ZZZ3: variants seen among roughly 807,000 people sequenced by gnomAD.
ZZZ3 encodes the protein ZZ-type zinc finger-containing protein 3.
ZZZ3 carries 22 observed loss-of-function variants against 95.2 expected under a neutral mutation model. That is an observed-to-expected ratio of 0.23 (90% CI 0.17 to 0.33). ZZZ3 has a LOEUF of 0.33. Among genes scored for constraint, ZZZ3 ranks in the 10% least tolerant of loss-of-function variants. ZZZ3 has a pLI of 1.00. For missense variants in ZZZ3, 885 were observed against 1,066.5 expected (o/e 0.83, Z 2.37); for synonymous variants, 335 against 358.9 (o/e 0.93, Z 0.75).
intron 1 of ZZZ3, among the ~76,000 whole-genome samples, chr1:77,676,670 A>C (rs1473588089): frequency 6.6e-6 from 1 of 152,254 alleles, no homozygotes; most frequent in Non-Finnish European, 1.5e-5. Context: ...AAGGAAACAA[A>C]CACCACAATA....
intron 5 of ZZZ3, among the ~76,000 whole-genome samples, chr1:77,595,625 T>C (rs1664141757): frequency 6.6e-6 from 1 of 152,042 alleles, no homozygotes. Context: ...CACAAATTAT[T>C]GTAAAGTGTA....
At chr1:77,587,391 A>C (rs1663200434) in intron 5 of ZZZ3, among the ~76,000 whole-genome samples, 1 of 150,596 alleles carries the variant, frequency 6.6e-6, no homozygotes, top group South Asian at 2.1e-4. Context: ...CAGCCTCCTG[A>C]GTAGGTGGGA....
intron 1 of ZZZ3, among the ~76,000 whole-genome samples, chr1:77,670,446 A>G (rs1053633523): frequency 7.9e-5 from 12 of 151,932 alleles, no homozygotes; most frequent in African/African-American, 2.7e-4. Flanking sequence ...TTTAGTAGAG[A>G]TGGGGTTTCG....
intron 13 of ZZZ3, among the ~76,000 whole-genome samples, chr1:77,567,459 ATTCT>A (rs1237016688): frequency 6.6e-6 from 1 of 152,196 alleles, no homozygotes; most frequent in Non-Finnish European, 1.5e-5. Flanking sequence ...AACTAGAATG[ATTCT>A]TTCCAAAACG....
At chr1:77,641,277 A>G (rs1400635930) in intron 3 of ZZZ3, 107 bp downstream of exon 3, 1 of 319,584 alleles carries the variant, frequency 3.1e-6, no homozygotes, top group African/African-American at 2.1e-5. Flanking sequence ...CTAATCAACC[A>G]CATAACTACT....
At chr1:77,680,753 G>A (rs541695869) in intron 1 of ZZZ3, among the ~76,000 whole-genome samples, 69 of 152,094 alleles carry the variant, frequency 4.5e-4, no homozygotes, top group African/African-American at 1.6e-3. Flanking sequence ...CTTTTAAAAC[G>A]TCTGAAAAAC....
At chr1:77,614,143 GA>G (rs996547761) in intron 5 of ZZZ3, among the ~76,000 whole-genome samples, 2 of 152,158 alleles carry the variant, frequency 1.3e-5, no homozygotes, top group African/African-American at 4.8e-5. Flanking sequence ...AACATATGCA[GA>G]TTGCTATCAA....
At chr1:77,662,880 GGATCCCTC>G (rs1171577232) in intron 1 of ZZZ3, among the ~76,000 whole-genome samples, 1 of 152,172 alleles carries the variant, frequency 6.6e-6, no homozygotes, top group Non-Finnish European at 1.5e-5. Context: ...CAAGGCAGGA[GGATCCCTC>G]GATCTCAGGA....
chr1:77,637,570 AC>A (rs1465602664), intron 4 of ZZZ3, among the ~76,000 whole-genome samples: 2 of 152,172 alleles, frequency 1.3e-5, no homozygotes, highest in African/African-American at 4.8e-5. Flanking sequence ...GGGGGCACCT[AC>A]AGTCACAGAT....
At chr1:77,622,339 G>T (rs1479254369) in intron 5 of ZZZ3, among the ~76,000 whole-genome samples, 1 of 128,450 alleles carries the variant, frequency 7.8e-6, no homozygotes, top group Non-Finnish European at 1.7e-5. Flanking sequence ...TAAACTAAAA[G>T]GAATGATAAT....
At chr1:77,595,134 A>G (rs967851797) in intron 5 of ZZZ3, among the ~76,000 whole-genome samples, 40 of 152,042 alleles carry the variant, frequency 2.6e-4, no homozygotes, top group Non-Finnish European at 3.4e-4. Context: ...ATGCAGCACT[A>G]CCTTCAAGAT....
intron 1 of ZZZ3, among the ~76,000 whole-genome samples, chr1:77,664,566 A>G (rs1031170953): frequency 6.6e-6 from 1 of 152,150 alleles, no homozygotes; most frequent in African/African-American, 2.4e-5. Flanking sequence ...AATTTTTTCT[A>G]TCTGAATTCC....
chr1:77,683,095 GT>G (rs1672956249), upstream of ZZZ3, among the ~76,000 whole-genome samples: 1 of 5,182 alleles, frequency 1.9e-4, no homozygotes, highest in East Asian at 1.3e-3. Context: ...GGGCTTCGCC[GT>G]CGCAGCCGTC....
chr1:77,567,178 CATT>C (rs777329952), intron 13 of ZZZ3, among the ~76,000 whole-genome samples: 3 of 152,228 alleles, frequency 2.0e-5, no homozygotes, highest in Non-Finnish European at 4.4e-5. Flanking sequence ...TTTATGGTCT[CATT>C]ATTACTTCCT....
rs894036294 is a variant in ZZZ3 at position 77,571,225 on chromosome 1, G to A, written c.2332-2759C>T. ...CTAAGGATATTATTAAATGTGATCAGCAAGGCTAAGATTAAGAAAAGTTAA... is the reference window on the plus strand; with the variant it reads ...CTAAGGATATTATTAAATGTGATCAACAAGGCTAAGATTAAGAAAAGTTAA... On this transcript the variant is annotated intron_variant, in intron 12 of 14. Transcript: ENST00000370801. Among the ~76,000 whole-genome samples, 3 of 152,092 alleles carry A rather than the reference G, an allele frequency of 2.0e-5. No homozygotes were observed. The South Asian group carries it at 6.2e-4, about 31-fold the overall frequency.
chr1:77,609,647 A>G (rs1401229601), intron 5 of ZZZ3, among the ~76,000 whole-genome samples: 1 of 152,138 alleles, frequency 6.6e-6, no homozygotes, highest in Non-Finnish European at 1.5e-5. Context: ...TCACAAAACA[A>G]GTCTTAAAAC....
chr1:77,636,119 C>T (rs1159607072), intron 4 of ZZZ3, among the ~76,000 whole-genome samples: 5 of 152,072 alleles, frequency 3.3e-5, no homozygotes, highest in African/African-American at 4.8e-5. Context: ...AATGTAAATT[C>T]AACTATACTC....
chr1:77,679,550 T>C (rs575857170), intron 1 of ZZZ3, among the ~76,000 whole-genome samples: 2 of 152,270 alleles, frequency 1.3e-5, no homozygotes, highest in South Asian at 4.1e-4. Context: ...CCTCCCAAAG[T>C]GCTTGTATTA....
chr1:77,639,921 T>C (rs1428656239), intron 3 of ZZZ3, among the ~76,000 whole-genome samples: 8 of 151,052 alleles, frequency 5.3e-5, no homozygotes, highest in Admixed American at 5.3e-4. Context: ...TTTTTTGCGG[T>C]GATAAAGGTT....
Sources: allele counts gnomAD v4.1 joint callset (sites outside exome capture counted in the v4.1 genomes callset), GRCh38; gene constraint gnomAD v4.1.1; transcripts MANE v1.5; gene names NCBI Gene and HGNC (gene_info 2026-07-23, HGNC 2026-07-21).